The following MYD88 variants were observed in gnomAD, a reference collection of about 807,000 sequenced individuals.
The protein encoded by MYD88 is MYD88 innate immune signal transduction adaptor.
Under a neutral mutation model 31.1 loss-of-function variants are expected in MYD88, and 15 were observed. That is an observed-to-expected ratio of 0.48 (90% CI 0.32 to 0.74). MYD88 has a LOEUF of 0.74. Ranked by LOEUF, MYD88 falls within the 30% of genes least tolerant of loss-of-function variation. MYD88 has a pLI of 0.03. For missense variants in MYD88, 308 were observed against 387.4 expected (o/e 0.79, Z 1.72); for synonymous variants, 157 against 158.8 (o/e 0.99, Z 0.08).
In MYD88 at chr3:38,139,191, C is replaced by G. The variant is rs1442563295; in HGVS notation, c.328+163C>G. 3 of 1,003,592 alleles carry G rather than the reference C, an allele frequency of 3.0e-6. No individual in the cohort carries two copies. The highest frequency in any genetic ancestry group is 4.2e-6 in the Non-Finnish European group (3 of 706,954). The allele number at this position is 1,003,592 out of a possible 1,614,324, so 62.2% of individuals were successfully genotyped here. On this transcript the variant is annotated intron_variant, in intron 1 of 4. Coordinates refer to ENST00000650905, the MANE Select transcript of MYD88 (RefSeq NM_002468.5). This position sits in a 1 kb window ranked among gnomAD's most constrained non-coding sequence, Gnocchi z 4.7. ...GCGGGTCCCGTTCCTTCTTAATAAC[C>G]GGTCGCGGTTATTAAGAAGGACTGG...
At position 38,138,839 on chromosome 3, in the gene MYD88, TG is replaced by T; in HGVS notation, c.141del (p.Trp47Ter). The T allele has an allele frequency of 6.2e-7, 1 of 1,613,816 alleles. No homozygotes were observed. The highest frequency in any genetic ancestry group is 8.5e-7 in the Non-Finnish European group (1 of 1,180,008). On this transcript the variant is annotated frameshift_variant, in exon 1 of 5. Transcript: ENST00000650905. LOFTEE classifies it high-confidence loss of function. The surrounding 1 kb of genome is among the most constrained non-coding windows in gnomAD (Gnocchi z 6.4). ...LNVRTQVAAD[W>X]TALAEEMDFE... ...CGTGCGGACACAGGTGGCGGCCGAC[TG>T]GACCGCGCTGGCGGAGGAGATGGAC...
chr3:38,141,893 C>T lies in MYD88; in HGVS notation c.*607C>T, dbSNP rs1701089988. On this transcript the variant is annotated 3_prime_UTR_variant, in exon 5 of 5. Coordinates refer to ENST00000650905, the MANE Select transcript of MYD88 (RefSeq NM_002468.5). ...TTTGGCCCAGCCCAAGGAGACCCCACCTTGAGCCTTATTTCCTAATGGGTC... is the reference window on the plus strand; with the variant it reads ...TTTGGCCCAGCCCAAGGAGACCCCATCTTGAGCCTTATTTCCTAATGGGTC... 7.9e-6 allele frequency: 2 copies of T among 254,062 alleles called. No individual in the cohort carries two copies. The highest frequency in any genetic ancestry group is 1.5e-5 in the Non-Finnish European group (2 of 129,080). 15.7% of individuals were successfully genotyped at this position (254,062 alleles called of 1,614,324 possible).
chr3:38,138,894 A>G lies in MYD88; in HGVS notation c.194A>G (p.Glu65Gly). The G allele has an allele frequency of 6.2e-7, 1 of 1,613,554 alleles. No individual in the cohort carries two copies. Among genetic ancestry groups the G allele is most frequent in the Non-Finnish European group, 8.5e-7 (1 of 1,180,008 alleles). Residue 65 changes from glutamate to glycine, a missense_variant, in exon 1 of 5, where the codon GAG becomes GGG. Transcript: ENST00000650905. The surrounding 1 kb of genome is among the most constrained non-coding windows in gnomAD (Gnocchi z 6.4). ...GAGTACTTGGAGATCCGGCAACTGG[A>G]GACACAAGCGGACCCCACTGGCAGG... ...DFEYLEIRQL[E>G]TQADPTGRLL...
rs2125775727 is a variant in MYD88, at chr3:38,138,886, G to A, written c.186G>A (p.Arg62=). The A allele has an allele frequency of 6.2e-7, 1 of 1,613,648 alleles. No homozygotes were observed. Among genetic ancestry groups the A allele is most frequent in the Non-Finnish European group, 8.5e-7 (1 of 1,180,008 alleles). The change falls in exon 1 of 5, where the codon CGG becomes CGA. Residue 62 remains arginine, a synonymous_variant. Transcript: ENST00000650905. The surrounding 1 kb of genome is among the most constrained non-coding windows in gnomAD (Gnocchi z 6.4). ...EEMDFEYLEI[R]QLETQADPTG... ...TGGACTTTGAGTACTTGGAGATCCG[G>A]CAACTGGAGACACAAGCGGACCCCA...
At position 38,142,997 on chromosome 3, in the gene MYD88, TAATA is replaced by T. The variant is rs1415461211; in HGVS notation, c.*1717_*1720del. On this transcript the variant is annotated 3_prime_UTR_variant, in exon 5 of 5. Transcript: ENST00000650905. ...TATATCTTGCATCCTGAGTTTATAA[TAATA>T]AATAATATTCTACCTTGGAAACTTG... 4.3e-6 allele frequency: 1 copy of T among 232,428 alleles called. No individual in the cohort carries two copies. Among genetic ancestry groups the T allele is most frequent in the East Asian group, 6.1e-5 (1 of 16,486 alleles). The allele number at this position is 232,428 out of a possible 1,614,324, so 14.4% of individuals were successfully genotyped here. A position where few individuals can be genotyped will look rare whatever the true frequency, so the allele number is the denominator to read the frequency against.
rs1410485836 is a variant in MYD88 at position 38,141,436 on chromosome 3, C to G, written c.*150C>G. 3.9e-6 allele frequency: 4 copies of G among 1,024,856 alleles called. No individual in the cohort carries two copies. In the African/African-American group the frequency reaches 4.7e-5, roughly 12 times the overall value. 63.5% of individuals were successfully genotyped at this position (1,024,856 alleles called of 1,614,324 possible). A position where few individuals can be genotyped will look rare whatever the true frequency, so the allele number is the denominator to read the frequency against. ...AACTTCACAGACACGTCTGCAGCAGCTGGACATCACATTTCATGTCCTGCA... is the reference window on the plus strand; with the variant it reads ...AACTTCACAGACACGTCTGCAGCAGGTGGACATCACATTTCATGTCCTGCA... On this transcript the variant is annotated 3_prime_UTR_variant, in exon 5 of 5. Coordinates refer to ENST00000650905, the MANE Select transcript of MYD88 (RefSeq NM_002468.5).
Position 38,139,880 on chromosome 3 carries a change from G to T in MYD88, c.345G>T (p.Lys115Asn), listed in dbSNP as rs56253885. 1 of 1,613,212 alleles carries T rather than the reference G, an allele frequency of 6.2e-7. No homozygotes were observed. Among genetic ancestry groups the T allele is most frequent in the Non-Finnish European group, 8.5e-7 (1 of 1,180,026 alleles). ...TCCCCACAGAGGAGGATTGCCAAAA[G>T]TATATCTTGAAGCAGCAGCAGGAGG... The part of the protein sequence containing the change: ...LGPSIEEDCQ[K>N]YILKQQQEEA... Residue 115 changes from lysine (K) to asparagine (N), a missense_variant, in exon 2 of 5, where the codon AAG (lysine) becomes AAT (asparagine). Physicochemically the swap from Lys to Asn is moderately conservative, Grantham distance 94. Transcript: ENST00000650905. This position sits in a 1 kb window ranked among gnomAD's most constrained non-coding sequence, Gnocchi z 4.7.
At position 38,138,965 on chromosome 3, in the gene MYD88, C is replaced by T. The variant is rs1350816309; in HGVS notation, c.265C>T (p.Leu89=). The part of the protein sequence containing the change: ...QGRPGASVGR[L]LELLTKLGRD... ...ACGCCCTGGCGCCTCTGTAGGCCGA[C>T]TGCTCGAGCTGCTTACCAAGCTGGG... Residue 89 remains leucine, a synonymous_variant, in exon 1 of 5, where the codon CTG becomes TTG. Coordinates refer to ENST00000650905, the MANE Select transcript of MYD88 (RefSeq NM_002468.5). The surrounding 1 kb of genome is among the most constrained non-coding windows in gnomAD (Gnocchi z 6.4). 3 of 1,609,094 alleles carry T rather than the reference C, an allele frequency of 1.9e-6. No homozygotes were observed. The highest frequency in any genetic ancestry group is 1.6e-4 in the Middle Eastern group (1 of 6,062).
At position 38,140,763 on chromosome 3, in the gene MYD88, C is replaced by T. The variant is rs2125779456; in HGVS notation, c.651C>T (p.Arg217=). 6.2e-7 allele frequency: 1 copy of T among 1,614,102 alleles called. No individual in the cohort carries two copies. The part of the protein sequence containing the change: ...IASELIEKRC[R]RMVVVVSDDY... ...CCTGCCCACTCTCCCCTAGGTGCCG[C>T]CGGATGGTGGTGGTTGTCTCTGATG... The change falls in exon 4 of 5, where the codon CGC becomes CGT. Residue 217 remains arginine, a synonymous_variant. Transcript: ENST00000650905.
rs772420311 is a variant in MYD88, at chr3:38,139,899, C to A, written c.364C>A (p.Gln122Lys). The change falls in exon 2 of 5, where the codon CAG (glutamine) becomes AAG (lysine). Residue 122 changes from glutamine (Q) to lysine (K), a missense_variant. Gln to Lys is a moderately conservative substitution (Grantham distance 53). Transcript: ENST00000650905. The surrounding 1 kb of genome is among the most constrained non-coding windows in gnomAD (Gnocchi z 4.7). ...CCAAAAGTATATCTTGAAGCAGCAGCAGGAGGAGGCTGAGAAGCCTTTACA... is the reference window on the plus strand; with the variant it reads ...CCAAAAGTATATCTTGAAGCAGCAGAAGGAGGAGGCTGAGAAGCCTTTACA... ...DCQKYILKQQ[Q>K]EEAEKPLQVA... The A allele has an allele frequency of 6.2e-7, 1 of 1,613,500 alleles. No individual in the cohort carries two copies. The highest frequency in any genetic ancestry group is 8.5e-7 in the Non-Finnish European group (1 of 1,180,008).
intron 4 of MYD88, 51 bp downstream of exon 4, chr3:38,140,899 C>T (rs2125779931): frequency 6.4e-7 from 1 of 1,561,654 alleles, no homozygotes; most frequent in African/African-American, 1.4e-5. Context: ...GTAGGTGGGG[C>T]CTCTGGATTG....
chr3:38,141,307 G>A lies in MYD88; in HGVS notation c.*21G>A. 6.2e-7 allele frequency: 1 copy of A among 1,613,934 alleles called. No homozygotes were observed. Among genetic ancestry groups the A allele is most frequent in the Non-Finnish European group, 8.5e-7 (1 of 1,179,816 alleles). ...CCTGAAGACTGTTCTGAGGCCCTGGGTGTGTGTGTATCTGTCTGCCTGTCC... is the reference window on the plus strand; with the variant it reads ...CCTGAAGACTGTTCTGAGGCCCTGGATGTGTGTGTATCTGTCTGCCTGTCC... On this transcript the variant is annotated 3_prime_UTR_variant, in exon 5 of 5. Coordinates refer to ENST00000650905, the MANE Select transcript of MYD88 (RefSeq NM_002468.5).
At position 38,140,757 on chromosome 3, in the gene MYD88, G is replaced by C. The variant is rs1701059729; in HGVS notation, c.645G>C (p.Arg215Ser). ...WSIASELIEK[R>S]CRRMVVVVSD... ...CTGCAGCCTGCCCACTCTCCCCTAG[G>C]TGCCGCCGGATGGTGGTGGTTGTCT... is the stretch of plus-strand genomic sequence containing the variant. Residue 215 changes from arginine (R) to serine (S), a missense_variant and splice_region_variant, in exon 4 of 5, where the codon AGG becomes AGC. Coordinates refer to ENST00000650905, the MANE Select transcript of MYD88 (RefSeq NM_002468.5). 2 of 1,614,168 alleles carry C rather than the reference G, an allele frequency of 1.2e-6. No individual in the cohort carries two copies.
rs1294942009 is a variant in MYD88, at chr3:38,138,797, CTG to C, written c.99_100del (p.Leu35ValfsTer22). On this transcript the variant is annotated frameshift_variant, in exon 1 of 5. Coordinates refer to ENST00000650905, the MANE Select transcript of MYD88 (RefSeq NM_002468.5). LOFTEE classifies it high-confidence loss of function. This position sits in a 1 kb window ranked among gnomAD's most constrained non-coding sequence, Gnocchi z 6.4. ...AALNMRVRRRLSLFLNVRTQV... is the reference protein window; with the variant it reads ...AALNMRVRRRXSLFLNVRTQV... ...TCTCAACATGCGAGTGCGGCGCCGCCTGTCTCTGTTCTTGAACGTGCGGACAC... is the reference window on the plus strand; with the variant it reads ...TCTCAACATGCGAGTGCGGCGCCGCCTCTCTGTTCTTGAACGTGCGGACAC... 6.2e-7 allele frequency: 1 copy of C among 1,613,430 alleles called. No individual in the cohort carries two copies. The highest frequency in any genetic ancestry group is 1.3e-5 in the African/African-American group (1 of 74,946).
At position 38,139,740 on chromosome 3, in the gene MYD88, G is replaced by A. The variant is rs1480022186; in HGVS notation, c.329-124G>A. The A allele has an allele frequency of 4.7e-6, 6 of 1,286,704 alleles. No homozygotes were observed. The highest frequency in any genetic ancestry group is 1.9e-5 in the Admixed American group (1 of 52,610). The allele number at this position is 1,286,704 out of a possible 1,614,324, so 79.7% of individuals were successfully genotyped here. ...AGCCGTTGAGCTTCGCGTGGCACCA[G>A]TGAACTGGGGAAGCCCTCTAGAACA... is the stretch of plus-strand genomic sequence containing the variant. On this transcript the variant is annotated intron_variant, in intron 1 of 4. Transcript: ENST00000650905. The surrounding 1 kb of genome is among the most constrained non-coding windows in gnomAD (Gnocchi z 4.7).
intron 4 of MYD88, 119 bp downstream of exon 4, chr3:38,140,967 T>G: frequency 7.4e-7 from 1 of 1,353,748 alleles, no homozygotes; most frequent in Non-Finnish European, 1.1e-6. Flanking sequence ...TGAAGATCTC[T>G]GCACACCTGA....
In MYD88 at chr3:38,139,316, G is replaced by A. The variant is rs1701018027; in HGVS notation, c.328+288G>A. 1 of 536,064 alleles carries A rather than the reference G, an allele frequency of 1.9e-6. No homozygotes were observed. The highest frequency in any genetic ancestry group is 3.3e-6 in the Non-Finnish European group (1 of 300,312). 33.2% of individuals were successfully genotyped at this position (536,064 alleles called of 1,614,324 possible). On this transcript the variant is annotated intron_variant, in intron 1 of 4. Coordinates refer to ENST00000650905, the MANE Select transcript of MYD88 (RefSeq NM_002468.5). The surrounding 1 kb of genome is among the most constrained non-coding windows in gnomAD (Gnocchi z 4.7). ...ATCAGGCTTCTGTGGGGGCATCTGGGCTGTTTCAAGTAGAGCAACAGGACA... is the reference window on the plus strand; with the variant it reads ...ATCAGGCTTCTGTGGGGGCATCTGGACTGTTTCAAGTAGAGCAACAGGACA...
rs1320388600 is a variant in MYD88, at chr3:38,138,871, G to A, written c.171G>A (p.Glu57=). Residue 57 remains glutamate (E), a synonymous_variant, in exon 1 of 5, where the codon GAG becomes GAA. Transcript: ENST00000650905. The surrounding 1 kb of genome is among the most constrained non-coding windows in gnomAD (Gnocchi z 6.4). ...CGCTGGCGGAGGAGATGGACTTTGAGTACTTGGAGATCCGGCAACTGGAGA... is the reference window on the plus strand; with the variant it reads ...CGCTGGCGGAGGAGATGGACTTTGAATACTTGGAGATCCGGCAACTGGAGA... ...WTALAEEMDF[E]YLEIRQLETQ... is the part of the protein sequence containing the mutation. 1.2e-6 allele frequency: 2 copies of A among 1,613,796 alleles called. No individual in the cohort carries two copies. The highest frequency in any genetic ancestry group is 1.7e-6 in the Non-Finnish European group (2 of 1,180,012).
At position 38,138,924 on chromosome 3, in the gene MYD88, T is replaced by C; in HGVS notation, c.224T>C (p.Leu75Pro). Residue 75 changes from leucine to proline, a missense_variant, in exon 1 of 5, where the codon CTG becomes CCG. Physicochemically the swap from Leu to Pro is moderately conservative, Grantham distance 98. Transcript: ENST00000650905. The surrounding 1 kb of genome is among the most constrained non-coding windows in gnomAD (Gnocchi z 6.4). Reference protein sequence around the residue: ...ETQADPTGRLLDAWQGRPGAS... With the variant: ...ETQADPTGRLPDAWQGRPGAS... ...CAAGCGGACCCCACTGGCAGGCTGCTGGACGCCTGGCAGGGACGCCCTGGC... is the reference window on the plus strand; with the variant it reads ...CAAGCGGACCCCACTGGCAGGCTGCCGGACGCCTGGCAGGGACGCCCTGGC... The C allele has an allele frequency of 6.2e-7, 1 of 1,612,456 alleles. No individual in the cohort carries two copies. The highest frequency in any genetic ancestry group is 8.5e-7 in the Non-Finnish European group (1 of 1,180,014).
Sources: allele counts gnomAD v4.1 joint callset, GRCh38; gene constraint gnomAD v4.1.1; non-coding constraint Gnocchi (gnomAD v3.1); transcripts MANE v1.5; gene names NCBI Gene and HGNC (gene_info 2026-07-23, HGNC 2026-07-21).